Variants in YTHDF2 observed in about 807,000 individuals in gnomAD.
YTHDF2 encodes the protein YTH N6-methyladenosine RNA binding protein F2.
Under a neutral mutation model 50.4 loss-of-function variants are expected in YTHDF2, and 2 were observed. The ratio of observed to expected loss-of-function variants is 0.04; its 90% CI spans 0.02 to 0.12. The LOEUF (loss-of-function observed/expected upper bound fraction) is 0.12. YTHDF2 is among the 10% of genes least tolerant of loss of function. YTHDF2 has a pLI of 1.00. For missense variants in YTHDF2, 483 were observed against 722.6 expected, an observed-to-expected ratio of 0.67 and a Z score of 3.80; for synonymous variants, 217 against 255.6, an observed-to-expected ratio of 0.85 and a Z score of 1.44.
At chr1:28,749,179 C>CTTTTTTTTTT (rs60729215) in intron 4 of YTHDF2, among the ~76,000 whole-genome samples, 2 of 107,426 alleles carry the variant, frequency 1.9e-5, no homozygotes, top group African/African-American at 3.7e-5. Flanking sequence ...TTCTTTCTTC[C>CTTTTTTTTTT]TTTTTTTTTT....
At chr1:28,761,399 A>G (rs1240741940) in intron 4 of YTHDF2, among the ~76,000 whole-genome samples, 1 of 151,694 alleles carries the variant, frequency 6.6e-6, no homozygotes, top group African/African-American at 2.4e-5. Flanking sequence ...TGGCCTCTCA[A>G]ATTGTTAGGA....
intron 4 of YTHDF2, among the ~76,000 whole-genome samples, chr1:28,747,383 A>G (rs977584529): frequency 6.6e-6 from 1 of 151,860 alleles, no homozygotes; most frequent in African/African-American, 2.4e-5. Context: ...CAGCCTGGTC[A>G]ACATGGTGAA....
chr1:28,747,152 T>C (rs2087876638), intron 4 of YTHDF2, among the ~76,000 whole-genome samples: 1 of 152,258 alleles, frequency 6.6e-6, no homozygotes, highest in African/African-American at 2.4e-5. Flanking sequence ...CAGTTAATGA[T>C]AATTGAACTT....
Position 28,737,033 on chromosome 1 carries a change from G to A in YTHDF2, c.-88G>A, listed in dbSNP as rs2087698385. 1.3e-6 allele frequency: 2 copies of A among 1,517,670 alleles called. No individual in the cohort carries two copies. Among genetic ancestry groups the A allele is most frequent in the Non-Finnish European group, 1.8e-6 (2 of 1,125,904 alleles). 94.0% of individuals were successfully genotyped at this position (1,517,670 alleles called of 1,614,324 possible). A position where few individuals can be genotyped will look rare whatever the true frequency, so the allele number is the denominator to read the frequency against. On this transcript the variant is annotated 5_prime_UTR_variant, in exon 1 of 5. Coordinates refer to ENST00000373812, the MANE Select transcript of YTHDF2 (RefSeq NM_016258.3). ...CCGAGTGTCAGGGACAAAAGCCTCC[G>A]CCTGCTCCCGCAGACGGGGCTCATC... is the stretch of plus-strand genomic sequence containing the variant.
Position 28,737,125 on chromosome 1 carries a change from C to T in YTHDF2, c.5C>T (p.Ser2Leu). The T allele has an allele frequency of 6.3e-7, 1 of 1,599,342 alleles. No homozygotes were observed. ...GCCCGTGAGGATCTGAGAGCCATGTCGGCCAGCAGCCTCTTGGAGCAGGTA... is the reference window on the plus strand; with the variant it reads ...GCCCGTGAGGATCTGAGAGCCATGTTGGCCAGCAGCCTCTTGGAGCAGGTA... M[S>L]ASSLLEQRPK... The change falls in exon 1 of 5, where the codon TCG (serine) becomes TTG (leucine). Residue 2 changes from serine to leucine, a missense_variant. Transcript: ENST00000373812.
rs1450138300 is a variant in YTHDF2 at position 28,754,600 on chromosome 1, G to C, written c.1716+10614G>C. ...GCACTTTGGGAGGCTGAGGTGGGTA[G>C]TTCGCAAGGTCAGGAGTTCAAGACC... On this transcript the variant is annotated intron_variant, in intron 4 of 4. Transcript: ENST00000373812. Among the ~76,000 whole-genome samples, 11 of 151,956 alleles carry C rather than the reference G, an allele frequency of 7.2e-5. No homozygotes were observed. The East Asian group carries it at 2.1e-3, about 29-fold the overall frequency.
chr1:28,762,420 A>G (rs1258152309), intron 4 of YTHDF2, among the ~76,000 whole-genome samples: 1 of 152,192 alleles, frequency 6.6e-6, no homozygotes, highest in Non-Finnish European at 1.5e-5. Flanking sequence ...ACTCCGTCTC[A>G]AAGAATGACT....
At chr1:28,751,605 C>T (rs2087953876) in intron 4 of YTHDF2, among the ~76,000 whole-genome samples, 1 of 152,198 alleles carries the variant, frequency 6.6e-6, no homozygotes, top group East Asian at 1.9e-4. Context: ...TTTCTGCAGC[C>T]TCCTTAAAGG....
chr1:28,761,154 A>ATTTTTTT (rs1189968900), intron 4 of YTHDF2, among the ~76,000 whole-genome samples: 1 of 26,446 alleles, frequency 3.8e-5, no homozygotes, highest in Admixed American at 4.0e-4. Context: ...TTTTTTTTTG[A>ATTTTTTT]GAGAAGGCCT....
At chr1:28,738,440 T>A in intron 3 of YTHDF2, 102 bp downstream of exon 3, 1 of 1,107,732 alleles carries the variant, frequency 9.0e-7, no homozygotes, top group Non-Finnish European at 1.3e-6. Flanking sequence ...TTTTTTTTTC[T>A]TTTTTCTGTT....
chr1:28,746,593 CAA>C (rs35500198), intron 4 of YTHDF2, among the ~76,000 whole-genome samples: 54,829 of 132,322 alleles, frequency 0.41, 11,334 homozygotes, highest in East Asian at 0.77. Flanking sequence ...AAAAATACTA[CAA>C]AAAAAAAAAA....
chr1:28,737,773 C>T, intron 2 of YTHDF2, 91 bp downstream of exon 2: 5 of 1,500,482 alleles, frequency 3.3e-6, no homozygotes, highest in Non-Finnish European at 2.7e-6. Context: ...GGCGGAGGAC[C>T]TTTCGGAAGC....
Position 28,744,028 on chromosome 1 carries a change from A to G in YTHDF2, c.1716+42A>G, listed in dbSNP as rs529166882. 14 of 1,504,494 alleles carry G rather than the reference A, an allele frequency of 9.3e-6. No individual in the cohort carries two copies. In the African/African-American group the frequency reaches 1.7e-4, roughly 18 times the overall value. The allele number at this position is 1,504,494 out of a possible 1,614,324, so 93.2% of individuals were successfully genotyped here. A position where few individuals can be genotyped will look rare whatever the true frequency, so the allele number is the denominator to read the frequency against. ...TATTAAGATTTTTAGGGAAGGAGGA[A>G]CCAGAGAGAACAGAAGAGGTATTAT... On this transcript the variant is annotated intron_variant, in intron 4 of 4. Transcript: ENST00000373812.
intron 4 of YTHDF2, among the ~76,000 whole-genome samples, chr1:28,745,140 T>A (rs550263092): frequency 9.1e-4 from 138 of 152,330 alleles, no homozygotes; most frequent in African/African-American, 3.2e-3. Flanking sequence ...AGGGATCTTA[T>A]ACGTGATCTA....
chr1:28,767,346 A>G (rs1403911692), intron 4 of YTHDF2, among the ~76,000 whole-genome samples: 2 of 152,186 alleles, frequency 1.3e-5, no homozygotes, highest in Non-Finnish European at 2.9e-5. Context: ...AAGTATGCCA[A>G]CTAACTTAAA....
chr1:28,765,284 G>A (rs1413463392), intron 4 of YTHDF2, among the ~76,000 whole-genome samples: 1 of 152,092 alleles, frequency 6.6e-6, no homozygotes, highest in Non-Finnish European at 1.5e-5. Context: ...ACAGACATGA[G>A]CCACCACACC....
At chr1:28,754,925 C>T (rs139724674) in intron 4 of YTHDF2, among the ~76,000 whole-genome samples, 16 of 138,236 alleles carry the variant, frequency 1.2e-4, no homozygotes, top group African/African-American at 3.0e-4. Flanking sequence ...TACAGTGAGC[C>T]GAGATCGCAA....
chr1:28,756,812 T>C (rs533123011), intron 4 of YTHDF2, among the ~76,000 whole-genome samples: 1 of 151,806 alleles, frequency 6.6e-6, no homozygotes, highest in Non-Finnish European at 1.5e-5. Flanking sequence ...CCTGCCTGCC[T>C]TTAAGGGACA....
chr1:28,751,530 G>T (rs2087952884), intron 4 of YTHDF2, among the ~76,000 whole-genome samples: 1 of 152,146 alleles, frequency 6.6e-6, no homozygotes. Flanking sequence ...CTGCCAAAAG[G>T]GTTAAGGAAA....
Sources: gnomAD v4.1 joint callset for allele counts (sites outside exome capture counted in the v4.1 genomes callset) on GRCh38, gnomAD v4.1.1 for gene constraint, MANE v1.5 for transcripts, NCBI Gene and HGNC (gene_info 2026-07-23, HGNC 2026-07-21) for gene names.